Variants in NAA35 observed in about 807,000 individuals in gnomAD.
NAA35 encodes N-alpha-acetyltransferase 35, NatC auxiliary subunit.
Under a neutral mutation model 101.7 loss-of-function variants are expected in NAA35, and 18 were observed. The observed-to-expected ratio is 0.18, with a 90% CI of 0.12 to 0.26. The LOEUF (loss-of-function observed/expected upper bound fraction) is 0.26. NAA35 is among the 10% of genes least tolerant of loss of function. The probability of loss-of-function intolerance (pLI) is 1.00; values close to 1 mark genes in which losing one functional copy is unlikely to be tolerated. For missense variants in NAA35, 601 were observed against 886.8 expected, an observed-to-expected ratio of 0.68 and a Z score of 4.09; for synonymous variants, 267 against 273.1, an observed-to-expected ratio of 0.98 and a Z score of 0.22.
intron 17 of NAA35, 128 bp from the exon 18 acceptor site, chr9:86,016,411 A>G (rs1418036458): frequency 1.7e-5 from 12 of 718,048 alleles, no homozygotes; most frequent in Non-Finnish European, 2.4e-5. Flanking sequence ...GATCTAATCT[A>G]TTATCTAATG....
At chr9:86,005,422 T>C (rs1831590169) in intron 13 of NAA35, among the ~76,000 whole-genome samples, 1 of 152,290 alleles carries the variant, frequency 6.6e-6, no homozygotes, top group East Asian at 1.9e-4. Flanking sequence ...CCTCCAAGAA[T>C]GGGAAGAAGG....
chr9:85,997,779 T>C (rs1280210236), intron 12 of NAA35, among the ~76,000 whole-genome samples: 2 of 152,348 alleles, frequency 1.3e-5, no homozygotes, highest in Non-Finnish European at 2.9e-5. Context: ...CCAGTGTGCT[T>C]GGCCTCACCT....
At chr9:85,945,161 G>C (rs1004039338) in intron 2 of NAA35, among the ~76,000 whole-genome samples, 1 of 152,126 alleles carries the variant, frequency 6.6e-6, no homozygotes, top group Non-Finnish European at 1.5e-5. Flanking sequence ...GTTTCACTGT[G>C]GATAGAGAGG....
chr9:85,942,496 A>G lies in NAA35; in HGVS notation c.124+213A>G, dbSNP rs77952093. Among the ~76,000 whole-genome samples the G allele has an allele frequency of 4.6e-4, 70 of 152,360 alleles. No homozygotes were observed. In the East Asian group the frequency reaches 0.011, roughly 24 times the overall value. On this transcript the variant is annotated intron_variant, in intron 2 of 22. Transcript: ENST00000361671. Reference sequence around the variant, plus strand: ...ACAGATGTTGAGGCAGTATTTTAAAATTGAATTTTTCTTGCTTTAACAGGT... The same window carrying G: ...ACAGATGTTGAGGCAGTATTTTAAAGTTGAATTTTTCTTGCTTTAACAGGT...
rs1832662221 is a variant in NAA35, at chr9:86,023,573, C to A, written c.*1613C>A. Among the ~76,000 whole-genome samples, 2 of 152,038 alleles carry A rather than the reference C, an allele frequency of 1.3e-5. No homozygotes were observed. The highest frequency in any genetic ancestry group is 4.8e-5 in the African/African-American group (2 of 41,394). On this transcript the variant is annotated 3_prime_UTR_variant, in exon 23 of 23. Transcript: ENST00000361671. ...ATACAAAGTATAAAAAATATGTCCC[C>A]CTTAAAAGCAAAAAAAGGAATGTAG...
chr9:85,978,873 C>T (rs1407149451), intron 11 of NAA35, among the ~76,000 whole-genome samples: 1 of 152,024 alleles, frequency 6.6e-6, no homozygotes, highest in Non-Finnish European at 1.5e-5. Flanking sequence ...AAATTGTAAA[C>T]TAAATTTCTC....
intron 13 of NAA35, among the ~76,000 whole-genome samples, chr9:86,003,994 T>G (rs1243915342): frequency 3.3e-5 from 5 of 152,022 alleles, no homozygotes; most frequent in Non-Finnish European, 7.4e-5. Context: ...AAGACAGAGG[T>G]CTTGAGGGGA....
Position 86,004,495 on chromosome 9 carries a change from G to T in NAA35, c.1116+851G>T, listed in dbSNP as rs141620172. On this transcript the variant is annotated intron_variant, in intron 13 of 22. Transcript: ENST00000361671. ...ACCCTGTCAAAAAAAAAAAGTCTACGGTTAGTAATTTAAGCTACCACTGTA... is the reference window on the plus strand; with the variant it reads ...ACCCTGTCAAAAAAAAAAAGTCTACTGTTAGTAATTTAAGCTACCACTGTA... 7.2e-5 allele frequency among the ~76,000 whole-genome samples: 11 copies of T among 151,846 alleles called. No homozygotes were observed. In the East Asian group the frequency reaches 2.1e-3, roughly 29 times the overall value.
intron 13 of NAA35, among the ~76,000 whole-genome samples, chr9:86,004,511 T>C (rs1587647697): frequency 6.6e-6 from 1 of 150,850 alleles, no homozygotes; most frequent in Non-Finnish European, 1.5e-5. Context: ...TAATTTAAGC[T>C]ACCACTGTAT....
intron 6 of NAA35, among the ~76,000 whole-genome samples, chr9:85,964,150 ACTT>A (rs1252008998): frequency 1.1e-4 from 16 of 147,538 alleles, no homozygotes; most frequent in Non-Finnish European, 2.1e-4. Context: ...TTTTTTTAGA[ACTT>A]CTTATTGGGG....
chr9:86,000,665 G>T (rs891443939), intron 12 of NAA35, among the ~76,000 whole-genome samples: 3 of 152,042 alleles, frequency 2.0e-5, no homozygotes, highest in African/African-American at 7.2e-5. Context: ...ATCTCTTCTA[G>T]GTTTTCTAGT....
intron 11 of NAA35, among the ~76,000 whole-genome samples, chr9:85,992,500 C>T (rs886881979): frequency 6.6e-6 from 1 of 152,108 alleles, no homozygotes; most frequent in Non-Finnish European, 1.5e-5. Flanking sequence ...GATTAAAGTT[C>T]ACATCACCAG....
intron 13 of NAA35, among the ~76,000 whole-genome samples, chr9:86,006,341 C>T (rs573870849): frequency 9.2e-5 from 14 of 152,224 alleles, no homozygotes; most frequent in African/African-American, 2.6e-4. Flanking sequence ...ACATTCTTCT[C>T]GAAACCTCTG....
chr9:85,947,553 C>G (rs1828824436), intron 2 of NAA35, among the ~76,000 whole-genome samples: 1 of 152,292 alleles, frequency 6.6e-6, no homozygotes, highest in Middle Eastern at 3.4e-3. Flanking sequence ...TTATGGATCA[C>G]TTTAGATTAG....
At chr9:85,994,651 C>A (rs1237992878) in intron 11 of NAA35, among the ~76,000 whole-genome samples, 1 of 152,116 alleles carries the variant, frequency 6.6e-6, no homozygotes, top group East Asian at 1.9e-4. Context: ...ATTTCCAGAT[C>A]TTTAATTTTG....
rs1831817440 is a variant in NAA35 at position 86,009,765 on chromosome 9, CTT to C, written c.1224-97_1224-96del. The C allele has an allele frequency of 1.1e-5, 9 of 815,234 alleles. No individual in the cohort carries two copies. In the South Asian group the frequency reaches 1.4e-4, roughly 12 times the overall value. 50.5% of individuals were successfully genotyped at this position (815,234 alleles called of 1,614,324 possible). A position where few individuals can be genotyped will look rare whatever the true frequency, so the allele number is the denominator to read the frequency against. Reference sequence around the variant, plus strand: ...AACTTAGGTATCGGTTCCATTTTCTCTTTTATTCACCTTCTCTGTCATTTGGT... The same window carrying C: ...AACTTAGGTATCGGTTCCATTTTCTCTTATTCACCTTCTCTGTCATTTGGT... On this transcript the variant is annotated intron_variant, in intron 14 of 22. Coordinates refer to ENST00000361671, the MANE Select transcript of NAA35 (RefSeq NM_024635.4).
At chr9:85,959,726 A>G (rs1017383122) in intron 4 of NAA35, 67 bp from the exon 5 acceptor site, 19 of 1,035,734 alleles carry the variant, frequency 1.8e-5, no homozygotes, top group South Asian at 2.8e-5. Context: ...CCAAAATGCT[A>G]CTATACATAG....
At chr9:85,992,195 A>C (rs1367077613) in intron 11 of NAA35, among the ~76,000 whole-genome samples, 1 of 151,674 alleles carries the variant, frequency 6.6e-6, no homozygotes, top group Non-Finnish European at 1.5e-5. Flanking sequence ...AATAATAAAA[A>C]ATAAATGAAT....
chr9:85,948,755 A>G (rs1828874742), intron 2 of NAA35, among the ~76,000 whole-genome samples: 5 of 151,744 alleles, frequency 3.3e-5, no homozygotes. Flanking sequence ...CGATACCTTT[A>G]TTTTATTTTA....
Sources: gnomAD v4.1 joint callset for allele counts (sites outside exome capture counted in the v4.1 genomes callset) on GRCh38, gnomAD v4.1.1 for gene constraint, MANE v1.5 for transcripts, NCBI Gene and HGNC (gene_info 2026-07-23, HGNC 2026-07-21) for gene names.